RAPGEF1: variants seen among roughly 807,000 people sequenced by gnomAD.
RAPGEF1 encodes the protein CRK SH3-binding GNRP.
RAPGEF1 carries 33 observed loss-of-function variants against 143.3 expected under a neutral mutation model. The observed-to-expected ratio is 0.23, with a 90% CI of 0.17 to 0.31. RAPGEF1 has a LOEUF of 0.31. RAPGEF1 is among the 10% of genes least tolerant of loss of function. The probability of loss-of-function intolerance (pLI) is 1.00; values close to 1 mark genes in which losing one functional copy is unlikely to be tolerated. For synonymous variants in RAPGEF1, 629 were observed against 676.5 expected (o/e 0.93, Z 1.09); for missense variants, 1,199 against 1,645.4 (o/e 0.73, Z 4.69).
At position 131,586,967 on chromosome 9, in the gene RAPGEF1, AAC is replaced by A. The variant is rs770094684; in HGVS notation, c.3233+767_3233+768del. 2.4e-3 allele frequency among the ~76,000 whole-genome samples: 68 copies of A among 28,694 alleles called. 2 individuals are homozygous for A. The highest frequency in any genetic ancestry group is 3.2e-3 in the Non-Finnish European group (50 of 15,866). 18.8% of individuals were successfully genotyped at this position (28,694 alleles called of 152,430 possible). ...ACCTGCAGAGCGAGACTCCGTCTCA[AAC>A]ACACACACACACACACACCTGCAGA... On this transcript the variant is annotated intron_variant, in intron 22 of 26. Transcript: ENST00000683357.
At chr9:131,595,674 C>A (rs939245237) in intron 17 of RAPGEF1, among the ~76,000 whole-genome samples, 4 of 113,540 alleles carry the variant, frequency 3.5e-5, no homozygotes, top group Non-Finnish European at 7.2e-5. Context: ...CACCTCCTTT[C>A]CAGAGCATGA....
intron 1 of RAPGEF1, among the ~76,000 whole-genome samples, chr9:131,658,655 G>C (rs564121062): frequency 6.6e-6 from 1 of 152,154 alleles, no homozygotes; most frequent in Non-Finnish European, 1.5e-5. Flanking sequence ...CTTCTCTACC[G>C]AGAGAGAAAG....
chr9:131,734,705 A>C (rs1330679840), intron 1 of RAPGEF1, among the ~76,000 whole-genome samples: 1 of 152,260 alleles, frequency 6.6e-6, no homozygotes, highest in Non-Finnish European at 1.5e-5. Context: ...TTCTCAGGCC[A>C]CAAAAATGAG....
chr9:131,581,489 G>A (rs1951859480), intron 25 of RAPGEF1, among the ~76,000 whole-genome samples: 1 of 151,290 alleles, frequency 6.6e-6, no homozygotes, highest in Admixed American at 6.6e-5. Flanking sequence ...AAGAGTTTGA[G>A]ACTAGCCTGG....
intron 1 of RAPGEF1, among the ~76,000 whole-genome samples, chr9:131,680,890 C>G (rs761744248): frequency 1.3e-5 from 2 of 152,110 alleles, no homozygotes; most frequent in African/African-American, 4.8e-5. Flanking sequence ...CGGCAAGTAG[C>G]GTCCATCGTG....
At position 131,584,051 on chromosome 9, in the gene RAPGEF1, G is replaced by A. The variant is rs1432421262; in HGVS notation, c.3414+260C>T. Among the ~76,000 whole-genome samples, 3 of 152,148 alleles carry A rather than the reference G, an allele frequency of 2.0e-5. No individual in the cohort carries two copies. The highest frequency in any genetic ancestry group is 4.4e-5 in the Non-Finnish European group (3 of 68,032). On this transcript the variant is annotated intron_variant, in intron 24 of 26. Transcript: ENST00000683357. The surrounding 1 kb of genome is among the most constrained non-coding windows in gnomAD (Gnocchi z 6.8). Reference sequence around the variant, plus strand: ...GGGGGAGGCGGGAACCCAGGGATGGGCCTGCTGGGTGGCAGCAGAACACCG... The same window carrying A: ...GGGGGAGGCGGGAACCCAGGGATGGACCTGCTGGGTGGCAGCAGAACACCG...
chr9:131,596,505 C>T (rs923971931), intron 16 of RAPGEF1, 132 bp from the exon 17 acceptor site: 87 of 895,252 alleles, frequency 9.7e-5, no homozygotes, highest in Non-Finnish European at 1.4e-4. Flanking sequence ...CTGTGCTCCT[C>T]GGCCCAGGAG....
At position 131,619,096 on chromosome 9, in the gene RAPGEF1, G is replaced by A; in HGVS notation, c.2016C>T (p.Val672=). The change falls in exon 12 of 27, where the codon GTC becomes GTT. Residue 672 remains valine (V), a synonymous_variant. Coordinates refer to ENST00000683357, the MANE Select transcript of RAPGEF1 (RefSeq NM_001377935.1). Reference sequence around the variant, plus strand: ...CGTGCCGGCTGAGAAAGGAGTTAGAGACGGACACACTGAGGCCCTGAGCGG... The same window carrying A: ...CGTGCCGGCTGAGAAAGGAGTTAGAAACGGACACACTGAGGCCCTGAGCGG... ...GSAAQGLSVS[V]SNSFLSRHGS... 7.4e-7 allele frequency: 1 copy of A among 1,355,474 alleles called. No homozygotes were observed. The highest frequency in any genetic ancestry group is 9.8e-7 in the Non-Finnish European group (1 of 1,017,196). The allele number at this position is 1,355,474 out of a possible 1,614,324, so 84.0% of individuals were successfully genotyped here.
At chr9:131,586,773 C>A (rs550352904) in intron 22 of RAPGEF1, among the ~76,000 whole-genome samples, 1 of 118,510 alleles carries the variant, frequency 8.4e-6, no homozygotes, top group East Asian at 2.5e-4. Flanking sequence ...CACACACACA[C>A]CTGCAGAGCG....
chr9:131,629,388 A>T, intron 6 of RAPGEF1, 134 bp from the exon 7 acceptor site: 1 of 904,640 alleles, frequency 1.1e-6, no homozygotes, highest in Non-Finnish European at 1.7e-6. Flanking sequence ...GGCTCCCTGG[A>T]TATAGAACCC....
intron 22 of RAPGEF1, among the ~76,000 whole-genome samples, chr9:131,586,302 C>A (rs1170058856): frequency 9.0e-5 from 8 of 89,184 alleles, no homozygotes; most frequent in South Asian, 4.0e-4. Flanking sequence ...AGCCAGACTC[C>A]GTCTCAAACA....
intron 1 of RAPGEF1, among the ~76,000 whole-genome samples, chr9:131,714,745 T>C (rs550247554): frequency 1.5e-4 from 23 of 150,260 alleles, no homozygotes; most frequent in African/African-American, 5.4e-4. Flanking sequence ...TCTCCCTCTG[T>C]TGTCCAGGTT....
rs1048286564 is a variant in RAPGEF1, at chr9:131,628,278, G to T, written c.1018-182C>A. 1.3e-5 allele frequency among the ~76,000 whole-genome samples: 2 copies of T among 152,306 alleles called. No homozygotes were observed. Among genetic ancestry groups the T allele is most frequent in the Non-Finnish European group, 1.5e-5 (1 of 68,024 alleles). On this transcript the variant is annotated intron_variant, in intron 8 of 26. Transcript: ENST00000683357. The surrounding 1 kb of genome is among the most constrained non-coding windows in gnomAD (Gnocchi z 5.7). ...TGAGAAGCAGCCATCTGGAGTTTGT[G>T]GGGGGTGTGGCCAGGGAGGGCCCTG...
In RAPGEF1 at chr9:131,587,059, G is replaced by A. The variant is rs1324418302; in HGVS notation, c.3233+677C>T. 2.2e-4 allele frequency among the ~76,000 whole-genome samples: 9 copies of A among 41,080 alleles called. 1 individual carries two copies. Among genetic ancestry groups the A allele is most frequent in the Admixed American group, 7.1e-4 (2 of 2,830 alleles). The allele number at this position is 41,080 out of a possible 152,430, so 27.0% of individuals were successfully genotyped here. On this transcript the variant is annotated intron_variant, in intron 22 of 26. Transcript: ENST00000683357. Reference sequence around the variant, plus strand: ...ACACACCCCTGCAGAGCGAGACTCCGTCTCAAACACACACACACACACACC... The same window carrying A: ...ACACACCCCTGCAGAGCGAGACTCCATCTCAAACACACACACACACACACC...
chr9:131,711,610 G>T (rs960463045), intron 1 of RAPGEF1, among the ~76,000 whole-genome samples: 1 of 151,906 alleles, frequency 6.6e-6, no homozygotes, highest in Non-Finnish European at 1.5e-5. Context: ...CGCCCGCCTC[G>T]GCCTCCCAAA....
At chr9:131,661,502 G>A (rs1974095436) in intron 1 of RAPGEF1, among the ~76,000 whole-genome samples, 1 of 152,130 alleles carries the variant, frequency 6.6e-6, no homozygotes, top group Non-Finnish European at 1.5e-5. Flanking sequence ...TTCTTGATCT[G>A]GGGGTTGGTT....
In RAPGEF1 at chr9:131,675,755, A is replaced by C. The variant is rs563466983; in HGVS notation, c.62-24806T>G. Among the ~76,000 whole-genome samples, 4 of 152,342 alleles carry C rather than the reference A, an allele frequency of 2.6e-5. No homozygotes were observed. The East Asian group carries it at 7.7e-4, about 29-fold the overall frequency. ...CTCCTCAAAAGATAGCCTGTAATTT[A>C]CTGAGCACTTACTATACGCCAGCCC... is the stretch of plus-strand genomic sequence containing the variant. On this transcript the variant is annotated intron_variant, in intron 1 of 26. Transcript: ENST00000683357. The surrounding 1 kb of genome is among the most constrained non-coding windows in gnomAD (Gnocchi z 4.6).
At chr9:131,706,160 G>C (rs11243477) in intron 1 of RAPGEF1, among the ~76,000 whole-genome samples, 14,516 of 152,060 alleles carry the variant, frequency 0.095, 1,036 homozygotes, top group African/African-American at 0.19. Context: ...CACAGACCAT[G>C]CTACTTTGCC....
At position 131,739,873 on chromosome 9, in the gene RAPGEF1, C is replaced by G; in HGVS notation, c.-43G>C. ...GCCGCGGGGCGACAGGGGCGGCGCG[C>G]CCGCCGCTCGCCTCGGCCCTGGCTC... On this transcript the variant is annotated 5_prime_UTR_variant, in exon 1 of 27. Transcript: ENST00000683357. 1.0e-6 allele frequency: 1 copy of G among 983,468 alleles called. No homozygotes were observed. Among genetic ancestry groups the G allele is most frequent in the Non-Finnish European group, 1.2e-6 (1 of 828,784 alleles). 60.9% of individuals were successfully genotyped at this position (983,468 alleles called of 1,614,324 possible). A position where few individuals can be genotyped will look rare whatever the true frequency, so the allele number is the denominator to read the frequency against.
Sources: allele counts gnomAD v4.1 joint callset (sites outside exome capture counted in the v4.1 genomes callset), GRCh38; gene constraint gnomAD v4.1.1; non-coding constraint Gnocchi (gnomAD v3.1); transcripts MANE v1.5; gene names NCBI Gene and HGNC (gene_info 2026-07-23, HGNC 2026-07-21).